Variants in NPY1R observed in about 807,000 individuals in gnomAD.
NPY1R encodes neuropeptide Y receptor type 1.
In NPY1R, 10 loss-of-function variants were observed where a neutral mutation model predicts 24.1. The ratio of observed to expected loss-of-function variants is 0.42; its 90% CI spans 0.26 to 0.71. The LOEUF (loss-of-function observed/expected upper bound fraction) is 0.71. NPY1R is among the 30% of genes least tolerant of loss of function. The pLI is 0.28. For missense variants in NPY1R, 350 were observed against 458.0 expected (o/e 0.76, Z 2.15); for synonymous variants, 168 against 165.9 (o/e 1.01, Z -0.10).
chr4:163,326,433 A>AAT lies in NPY1R; in HGVS notation c.120_121dup (p.Phe41TyrfsTer4). ...AGCTCCATAAGCAAGAGCTAAGGTAAATATCATGGCCAAGGGCAGATGACA... is the reference window on the plus strand; with the variant it reads ...AGCTCCATAAGCAAGAGCTAAGGTAAATATATCATGGCCAAGGGCAGATGACA... On this transcript the variant is annotated frameshift_variant, in exon 2 of 3. Coordinates refer to ENST00000296533, the MANE Select transcript of NPY1R (RefSeq NM_000909.6). LOFTEE classifies it high-confidence loss of function. 1 of 1,614,060 alleles carries AAT rather than the reference A, an allele frequency of 6.2e-7. No individual in the cohort carries two copies. Among genetic ancestry groups the AAT allele is most frequent in the Non-Finnish European group, 8.5e-7 (1 of 1,179,896 alleles).
chr4:163,340,309 C>CATATATAT lies in NPY1R; in HGVS notation c.-152+3988_-152+3995dup, dbSNP rs142056779. ...AAGGAATCCATGCTCTCTTCTTGTACATATATATATATATATATTTGTGCT... is the reference window on the plus strand; with the variant it reads ...AAGGAATCCATGCTCTCTTCTTGTACATATATATATATATATATATATATATTTGTGCT... On this transcript the variant is annotated intron_variant, in intron 1 of 1. Coordinates refer to the NPY1R transcript ENST00000511901. Among the ~76,000 whole-genome samples, 484 of 147,588 alleles carry CATATATAT rather than the reference C, an allele frequency of 3.3e-3. 5 individuals carry two copies. The highest frequency in any genetic ancestry group is 0.012 in the African/African-American group (469 of 40,538).
chr4:163,342,348 CTG>C (rs1735007278), intron 1 of NPY1R, among the ~76,000 whole-genome samples: 1 of 152,172 alleles, frequency 6.6e-6, no homozygotes, highest in Non-Finnish European at 1.5e-5. Flanking sequence ...CATGTTATGA[CTG>C]TGCAAGAGAT....
chr4:163,336,447 A>G (rs77719780), upstream of NPY1R, among the ~76,000 whole-genome samples: 1 of 152,192 alleles, frequency 6.6e-6, no homozygotes, highest in East Asian at 1.9e-4. Context: ...AAGAGACAAA[A>G]TAAAAATAGC....
chr4:163,338,638 C>G (rs1201799299), intron 1 of NPY1R, among the ~76,000 whole-genome samples: 2 of 152,206 alleles, frequency 1.3e-5, no homozygotes, highest in Non-Finnish European at 2.9e-5. Context: ...TTTTAGTGGT[C>G]TTGTTTCTTC....
At chr4:163,342,390 T>C (rs911144322) in intron 1 of NPY1R, among the ~76,000 whole-genome samples, 1 of 152,168 alleles carries the variant, frequency 6.6e-6, no homozygotes, top group African/African-American at 2.4e-5. Context: ...TGGCAATGTG[T>C]ACTGCATTAA....
At position 163,325,811 on chromosome 4, in the gene NPY1R, G is replaced by A. The variant is rs755996069; in HGVS notation, c.699+45C>T. The stretch of plus-strand genomic sequence containing the variant: ...ACACTCATTTGATGAGGAATTCTGT[G>A]TAAAGAAGGTAAAAATGGAAATGAT... On this transcript the variant is annotated intron_variant, in intron 2 of 2. Transcript: ENST00000296533. 6.4e-6 allele frequency: 10 copies of A among 1,573,572 alleles called. No homozygotes were observed. In the East Asian group the frequency reaches 2.2e-4, roughly 35 times the overall value.
upstream of NPY1R, among the ~76,000 whole-genome samples, chr4:163,333,177 T>C (rs141913068): frequency 6.9e-4 from 104 of 151,808 alleles, 1 homozygote; most frequent in East Asian, 0.014. Flanking sequence ...ACTGAGAAAA[T>C]GCATTAAGTC....
chr4:163,337,641 A>G (rs1734873423), upstream of NPY1R, among the ~76,000 whole-genome samples: 2 of 152,166 alleles, frequency 1.3e-5, no homozygotes, highest in African/African-American at 4.8e-5. Context: ...CGCAGTCCAT[A>G]AGCATAAAAT....
chr4:163,328,019 T>C (rs1459497738), intron 1 of NPY1R, among the ~76,000 whole-genome samples: 4 of 151,704 alleles, frequency 2.6e-5, no homozygotes, highest in Admixed American at 6.6e-5. Context: ...GAACAAGAAA[T>C]GCATTTGCCT....
intron 1 of NPY1R, among the ~76,000 whole-genome samples, chr4:163,341,875 T>C (rs749125638): frequency 6.6e-5 from 10 of 152,186 alleles, no homozygotes; most frequent in Non-Finnish European, 1.3e-4. Context: ...AAATCCCCCC[T>C]GGGAAATTTA....
Position 163,343,644 on chromosome 4 carries a change from C to G in NPY1R, c.-152+661G>C, listed in dbSNP as rs1185802690. Among the ~76,000 whole-genome samples, 7 of 152,254 alleles carry G rather than the reference C, an allele frequency of 4.6e-5. 1 individual carries two copies. The East Asian group carries it at 1.2e-3, about 25-fold the overall frequency. The stretch of plus-strand genomic sequence containing the variant: ...GGTTGAGGGCTGGACCGGCAAAACT[C>G]GATTTGCCCATCAAGTTAACTTGGT... On this transcript the variant is annotated intron_variant, in intron 1 of 1. Coordinates refer to the NPY1R transcript ENST00000511901.
upstream of NPY1R, among the ~76,000 whole-genome samples, chr4:163,333,917 A>G (rs1298510125): frequency 6.6e-6 from 1 of 152,206 alleles, no homozygotes; most frequent in Non-Finnish European, 1.5e-5. Context: ...ATTAGTGTAT[A>G]ACAACAGATA....
intron 1 of NPY1R, among the ~76,000 whole-genome samples, chr4:163,327,146 A>T (rs1734626285): frequency 6.6e-6 from 1 of 152,208 alleles, no homozygotes; most frequent in Admixed American, 6.5e-5. Flanking sequence ...TGTCAAGGTC[A>T]AGTTATAGCA....
In NPY1R at chr4:163,324,806, C is replaced by T. The variant is rs1381011122; in HGVS notation, c.*497G>A. 6.6e-6 allele frequency: 1 copy of T among 151,914 alleles called. No homozygotes were observed. Among genetic ancestry groups the T allele is most frequent in the African/African-American group, 2.4e-5 (1 of 41,178 alleles). 9.4% of individuals were successfully genotyped at this position (151,914 alleles called of 1,614,324 possible). Reference sequence around the variant, plus strand: ...ACCTCAAACCACTTCTGAATGACTTCAGACTATCTTTCGGCTCCTGAATGC... The same window carrying T: ...ACCTCAAACCACTTCTGAATGACTTTAGACTATCTTTCGGCTCCTGAATGC... On this transcript the variant is annotated 3_prime_UTR_variant, in exon 3 of 3. Transcript: ENST00000296533.
At chr4:163,331,619 A>G (rs1734729371) in intron 1 of NPY1R, among the ~76,000 whole-genome samples, 2 of 152,000 alleles carry the variant, frequency 1.3e-5, no homozygotes, top group African/African-American at 2.4e-5. Flanking sequence ...ACCGAAGTCA[A>G]TTCTCTCTCT....
intron 1 of NPY1R, among the ~76,000 whole-genome samples, chr4:163,327,468 A>C (rs1734634464): frequency 6.6e-6 from 1 of 152,200 alleles, no homozygotes; most frequent in African/African-American, 2.4e-5. Context: ...GAGGAACAAA[A>C]GTTTAGTAAA....
chr4:163,333,910 A>G (rs572178814), upstream of NPY1R, among the ~76,000 whole-genome samples: 2 of 152,308 alleles, frequency 1.3e-5, no homozygotes, highest in East Asian at 3.9e-4. Flanking sequence ...TTGTACTATT[A>G]GTGTATAACA....
In NPY1R at chr4:163,325,705, A is replaced by G; in HGVS notation, c.753T>C (p.Asn251=). The change falls in exon 3 of 3, where the codon AAT becomes AAC. Residue 251 remains asparagine, a synonymous_variant. Coordinates refer to ENST00000296533, the MANE Select transcript of NPY1R (RefSeq NM_000909.6). ...RNNMMDKMRD[N]KYRSSETKRI... ...TTTTGGTTTCACTGGACCTGTACTT[A>G]TTGTCTCTCATCTTGTCCATCATGT... The G allele has an allele frequency of 6.2e-7, 1 of 1,602,772 alleles. No homozygotes were observed. Among genetic ancestry groups the G allele is most frequent in the South Asian group, 1.1e-5 (1 of 90,888 alleles).
upstream of NPY1R, among the ~76,000 whole-genome samples, chr4:163,337,272 A>G (rs1446729543): frequency 1.3e-5 from 2 of 152,188 alleles, no homozygotes; most frequent in Non-Finnish European, 2.9e-5. Flanking sequence ...TGTGCAGATT[A>G]TTGCAACTAC....
Sources: allele counts gnomAD v4.1 joint callset (sites outside exome capture counted in the v4.1 genomes callset), GRCh38; gene constraint gnomAD v4.1.1; transcripts MANE v1.5; gene names NCBI Gene and HGNC (gene_info 2026-07-23, HGNC 2026-07-21).